The following ERICH3 variants were observed in gnomAD, a reference collection of about 807,000 sequenced individuals.
The protein encoded by ERICH3 is glutamate-rich protein 3.
ERICH3 carries 126 observed loss-of-function variants against 131.1 expected under a neutral mutation model. That is an observed-to-expected ratio of 0.96 (90% CI 0.83 to 1.11). ERICH3 has a LOEUF of 1.11. Ranked by LOEUF, ERICH3 falls within the 50% of genes most tolerant of loss-of-function variation. The probability of loss-of-function intolerance (pLI) is 0.00; values close to 1 mark genes in which losing one functional copy is unlikely to be tolerated. For missense variants in ERICH3, 2,050 were observed against 1,810.7 expected, an observed-to-expected ratio of 1.13 and a Z score of -2.40; for synonymous variants, 695 against 644.6, an observed-to-expected ratio of 1.08 and a Z score of -1.18.
At chr1:74,644,164 A>T (rs1247245519) in intron 3 of ERICH3, among the ~76,000 whole-genome samples, 1 of 151,984 alleles carries the variant, frequency 6.6e-6, no homozygotes, top group African/African-American at 2.4e-5. Flanking sequence ...CTGCTGCCTT[A>T]GGAACCCTGC....
intron 10 of ERICH3, among the ~76,000 whole-genome samples, chr1:74,604,117 G>A (rs1031062408): frequency 1.3e-5 from 2 of 151,716 alleles, no homozygotes; most frequent in African/African-American, 4.8e-5. Context: ...ATTCTTTGTT[G>A]TCATTTCAAC....
At chr1:74,639,478 T>A (rs1178312731) in intron 5 of ERICH3, among the ~76,000 whole-genome samples, 2 of 152,220 alleles carry the variant, frequency 1.3e-5, no homozygotes, top group African/African-American at 4.8e-5. Context: ...AGAAGCCACC[T>A]TAAATTCACT....
At chr1:74,655,983 A>T (rs140464035) in intron 1 of ERICH3, among the ~76,000 whole-genome samples, 65 of 152,236 alleles carry the variant, frequency 4.3e-4, no homozygotes, top group Middle Eastern at 3.4e-3. Flanking sequence ...AAGCTTTCCC[A>T]GTTCCTTCAC....
intron 12 of ERICH3, 95 bp downstream of exon 12, chr1:74,589,536 A>G (rs1020579569): frequency 2.6e-6 from 3 of 1,162,298 alleles, no homozygotes; most frequent in Non-Finnish European, 3.7e-6. Flanking sequence ...AAGCATTGTC[A>G]CAGTAGTATT....
chr1:74,668,688 C>CAT (rs1462850366), intron 1 of ERICH3, among the ~76,000 whole-genome samples: 1 of 152,040 alleles, frequency 6.6e-6, no homozygotes, highest in South Asian at 2.1e-4. Flanking sequence ...AAGACATATA[C>CAT]ATATATATAT....
Position 74,572,058 on chromosome 1 carries a change from C to A in ERICH3, c.3652G>T (p.Ala1218Ser). 1 of 1,614,228 alleles carries A rather than the reference C, an allele frequency of 6.2e-7. No individual in the cohort carries two copies. The highest frequency in any genetic ancestry group is 8.5e-7 in the Non-Finnish European group (1 of 1,180,044). The change falls in exon 14 of 15, where the codon GCT (alanine) becomes TCT (serine). Residue 1218 changes from alanine (A) to serine (S), a missense_variant. Ala to Ser is a moderately conservative substitution (Grantham distance 99). Transcript: ENST00000326665. ...TTTCCTGCTGGCTCAGCTTCAGGAG[C>A]TGCTAAGGCCCCCTCTCCATCTTGG... ...HRQDGEGALA[A>S]PEAEPAGKVQ... is the part of the protein sequence containing the mutation.
chr1:74,605,871 T>C (rs1648362272), intron 10 of ERICH3, among the ~76,000 whole-genome samples: 1 of 151,834 alleles, frequency 6.6e-6, no homozygotes, highest in Admixed American at 6.6e-5. Context: ...CTGATAGACT[T>C]TGGTGCAGGG....
In ERICH3 at chr1:74,590,059, G is replaced by T. The variant is rs1466605128; in HGVS notation, c.1748C>A (p.Thr583Asn). 1.9e-6 allele frequency: 3 copies of T among 1,606,184 alleles called. No individual in the cohort carries two copies. The highest frequency in any genetic ancestry group is 2.7e-5 in the African/African-American group (2 of 74,590). The change falls in exon 12 of 15, where the codon ACC becomes AAC. Residue 583 changes from threonine (T) to asparagine (N), a missense_variant. Physicochemically the swap from Thr to Asn is moderately conservative, Grantham distance 65. Transcript: ENST00000326665. ...AGAATAAGGGTGACTTCTGGATGAG[G>T]TTGATGAAGCAGTTTTCATATCTAC... Reference protein sequence around the residue: ...DKQDMKTASSTSSRSHPYSSD... With the variant: ...DKQDMKTASSNSSRSHPYSSD...
chr1:74,580,809 G>T (rs1186648848), intron 12 of ERICH3, among the ~76,000 whole-genome samples: 1 of 152,076 alleles, frequency 6.6e-6, no homozygotes, highest in East Asian at 1.9e-4. Context: ...ACATATGCAG[G>T]TTTCCTACAT....
intron 1 of ERICH3, among the ~76,000 whole-genome samples, chr1:74,669,649 C>T (rs563170262): frequency 1.2e-4 from 18 of 152,014 alleles, no homozygotes; most frequent in South Asian, 2.1e-4. Flanking sequence ...TTGACTTCTA[C>T]GAAATTATGA....
chr1:74,648,175 T>A (rs921032812), intron 2 of ERICH3, among the ~76,000 whole-genome samples: 2 of 152,152 alleles, frequency 1.3e-5, no homozygotes, highest in Non-Finnish European at 2.9e-5. Context: ...TTGCCATGCA[T>A]ACAACCAGTG....
chr1:74,612,486 C>T (rs1648742802), intron 9 of ERICH3, 137 bp downstream of exon 9: 2 of 660,832 alleles, frequency 3.0e-6, no homozygotes. Context: ...TTACAATAAA[C>T]AACCCTGAAC....
chr1:74,666,003 A>C (rs1173855486), intron 1 of ERICH3, among the ~76,000 whole-genome samples: 1 of 152,142 alleles, frequency 6.6e-6, no homozygotes, highest in Non-Finnish European at 1.5e-5. Context: ...AAAATACCAT[A>C]ACTTGATTCT....
chr1:74,620,705 A>C (rs1300625916), intron 8 of ERICH3, 29 bp downstream of exon 8: 1 of 1,537,802 alleles, frequency 6.5e-7, no homozygotes, highest in Non-Finnish European at 8.8e-7. Context: ...ACTCCAAGCA[A>C]TTAAAAAACA....
At chr1:74,587,098 G>A (rs549511027) in intron 12 of ERICH3, among the ~76,000 whole-genome samples, 2 of 152,162 alleles carry the variant, frequency 1.3e-5, no homozygotes, top group East Asian at 3.9e-4. Flanking sequence ...GACCGAGGCG[G>A]GTGGATCACG....
At chr1:74,582,937 G>A (rs962172390) in intron 12 of ERICH3, among the ~76,000 whole-genome samples, 1 of 151,064 alleles carries the variant, frequency 6.6e-6, no homozygotes, top group African/African-American at 2.4e-5. Context: ...TGATTTTTTT[G>A]TAATTCTGTG....
chr1:74,585,116 T>G (rs1647269947), intron 12 of ERICH3, among the ~76,000 whole-genome samples: 1 of 152,222 alleles, frequency 6.6e-6, no homozygotes, highest in Non-Finnish European at 1.5e-5. Flanking sequence ...TCATTTATAT[T>G]TATGATGTAT....
chr1:74,634,854 G>A (rs1266610402), intron 6 of ERICH3: 1 of 560,196 alleles, frequency 1.8e-6, no homozygotes, highest in Non-Finnish European at 3.2e-6. Flanking sequence ...GGGTGTATCA[G>A]GCCATATAGG....
intron 6 of ERICH3, chr1:74,634,706 G>A (rs1175789566): frequency 2.8e-6 from 2 of 709,336 alleles, no homozygotes; most frequent in Admixed American, 2.1e-5. Flanking sequence ...ACTATCTAGG[G>A]GAGAGGAAAT....
Sources: allele counts gnomAD v4.1 joint callset (sites outside exome capture counted in the v4.1 genomes callset), GRCh38; gene constraint gnomAD v4.1.1; transcripts MANE v1.5; gene names NCBI Gene and HGNC (gene_info 2026-07-23, HGNC 2026-07-21).